The following ARHGAP44 variants were observed in gnomAD, a reference collection of about 807,000 sequenced individuals.
The protein encoded by ARHGAP44 is rho GTPase-activating protein 44.
A neutral mutation model predicts 106.8 loss-of-function variants in ARHGAP44; 43 were observed. The ratio of observed to expected loss-of-function variants is 0.40; its 90% CI spans 0.32 to 0.52. ARHGAP44 has a LOEUF of 0.52. Ranked by LOEUF, ARHGAP44 falls within the 20% of genes least tolerant of loss-of-function variation. The pLI, the probability that ARHGAP44 is intolerant of heterozygous loss-of-function variation, is 0.48. For synonymous variants in ARHGAP44, 439 were observed against 410.3 expected (o/e 1.07, Z -0.85); for missense variants, 866 against 1,050.5 (o/e 0.82, Z 2.43).
intron 7 of ARHGAP44, among the ~76,000 whole-genome samples, chr17:12,931,465 G>T (rs915604304): frequency 6.6e-6 from 1 of 151,694 alleles, no homozygotes; most frequent in African/African-American, 2.4e-5. Context: ...ATCTCTCTAG[G>T]TTAGTAGCTG....
chr17:12,829,723 T>C (rs1179811713), intron 1 of ARHGAP44, among the ~76,000 whole-genome samples: 2 of 152,188 alleles, frequency 1.3e-5, no homozygotes, highest in Non-Finnish European at 2.9e-5. Context: ...GCATGCATGA[T>C]TCCTAGTTTT....
At chr17:12,832,650 TG>T (rs2035123299) in intron 1 of ARHGAP44, among the ~76,000 whole-genome samples, 1 of 152,234 alleles carries the variant, frequency 6.6e-6, no homozygotes, top group Non-Finnish European at 1.5e-5. Flanking sequence ...GTTCAGCCTA[TG>T]CCCAGGAATG....
chr17:12,964,245 C>G (rs1325693954), intron 16 of ARHGAP44, among the ~76,000 whole-genome samples: 2 of 152,172 alleles, frequency 1.3e-5, no homozygotes, highest in East Asian at 3.8e-4. Flanking sequence ...TCTACAGTCC[C>G]TTCTATTTCT....
intron 1 of ARHGAP44, among the ~76,000 whole-genome samples, chr17:12,826,958 C>G (rs1329539103): frequency 6.6e-6 from 1 of 152,070 alleles, no homozygotes; most frequent in Non-Finnish European, 1.5e-5. Flanking sequence ...TCCCAATACC[C>G]AATCACCACC....
At position 12,896,463 on chromosome 17, in the gene ARHGAP44, C is replaced by G; in HGVS notation, c.150C>G (p.Leu50=). 6.2e-7 allele frequency: 1 copy of G among 1,609,972 alleles called. No homozygotes were observed. The highest frequency in any genetic ancestry group is 1.1e-5 in the South Asian group (1 of 89,782). Residue 50 remains leucine (L), a synonymous_variant, in exon 3 of 21, where the codon CTC becomes CTG. Coordinates refer to ENST00000379672, the MANE Select transcript of ARHGAP44 (RefSeq NM_014859.6). ...KQVSHSTHKK[L]TACLQGQQGA... is the part of the protein sequence containing the mutation. ...TGTCCCACAGCACGCACAAGAAGCTCACCGCATGTCTGCAGGGCCAGCAAG... is the reference window on the plus strand; with the variant it reads ...TGTCCCACAGCACGCACAAGAAGCTGACCGCATGTCTGCAGGGCCAGCAAG...
chr17:12,837,541 TGG>T (rs1440005631), intron 1 of ARHGAP44, among the ~76,000 whole-genome samples: 5 of 151,748 alleles, frequency 3.3e-5, no homozygotes, highest in Non-Finnish European at 7.4e-5. Context: ...AAGGAAGCAG[TGG>T]TCACTAGGAA....
In ARHGAP44 at chr17:12,944,343, C is replaced by G. The variant is rs147261550; in HGVS notation, c.861+147C>G. The G allele has an allele frequency of 5.4e-4, 552 of 1,020,004 alleles. 5 individuals carry two copies. The East Asian group carries it at 0.015, about 28-fold the overall frequency. 63.2% of individuals were successfully genotyped at this position (1,020,004 alleles called of 1,614,324 possible). Reference sequence around the variant, plus strand: ...GACAGTGGCTCAGACCCATCTTCTGCAGAACACAAATTGATCCTGCCTTTT... The same window carrying G: ...GACAGTGGCTCAGACCCATCTTCTGGAGAACACAAATTGATCCTGCCTTTT... On this transcript the variant is annotated intron_variant, in intron 10 of 20. Transcript: ENST00000379672.
At chr17:12,866,104 A>G (rs1305336684) in intron 1 of ARHGAP44, among the ~76,000 whole-genome samples, 1 of 152,168 alleles carries the variant, frequency 6.6e-6, no homozygotes, top group Non-Finnish European at 1.5e-5. Context: ...GTTTCCTCTA[A>G]TGGATCAGGG....
intron 1 of ARHGAP44, among the ~76,000 whole-genome samples, chr17:12,813,472 G>A (rs998752181): frequency 1.3e-5 from 2 of 152,068 alleles, no homozygotes; most frequent in African/African-American, 4.8e-5. Flanking sequence ...GTAATGTAGG[G>A]TGCAATATAT....
At chr17:12,923,517 G>A (rs1040933874) in intron 6 of ARHGAP44, among the ~76,000 whole-genome samples, 3 of 152,152 alleles carry the variant, frequency 2.0e-5, no homozygotes, top group South Asian at 2.1e-4. Flanking sequence ...GTGCCCGGCC[G>A]CTTTGGGGGA....
At chr17:12,917,098 A>G (rs758114982) in intron 5 of ARHGAP44, among the ~76,000 whole-genome samples, 7 of 152,140 alleles carry the variant, frequency 4.6e-5, no homozygotes, top group African/African-American at 1.7e-4. Flanking sequence ...GATAAGGGAC[A>G]CTCCATCTAT....
At chr17:12,964,247 TC>T (rs1395822021) in intron 16 of ARHGAP44, among the ~76,000 whole-genome samples, 5 of 152,240 alleles carry the variant, frequency 3.3e-5, no homozygotes, top group African/African-American at 1.2e-4. Flanking sequence ...TACAGTCCCT[TC>T]TATTTCTCTG....
chr17:12,944,554 T>C (rs895517110), intron 10 of ARHGAP44, among the ~76,000 whole-genome samples: 1 of 151,972 alleles, frequency 6.6e-6, no homozygotes, highest in East Asian at 1.9e-4. Context: ...GGCGCGATCT[T>C]GGTTCACTGC....
At position 12,889,680 on chromosome 17, in the gene ARHGAP44, C is replaced by A. The variant is rs537919929; in HGVS notation, c.54-5260C>A. Among the ~76,000 whole-genome samples the A allele has an allele frequency of 6.6e-4, 101 of 152,290 alleles. 1 individual carries two copies. The highest frequency in any genetic ancestry group is 2.3e-3 in the African/African-American group (96 of 41,566). ...CATCTCAATAGCCCCAGAATCTTAA[C>A]TGGTTCCAATACCACCTCAAAAGTC... is the stretch of plus-strand genomic sequence containing the variant. On this transcript the variant is annotated intron_variant, in intron 1 of 20. Coordinates refer to ENST00000379672, the MANE Select transcript of ARHGAP44 (RefSeq NM_014859.6).
At position 12,990,268 on chromosome 17, in the gene ARHGAP44, T is replaced by A; in HGVS notation, c.*97T>A. ...CATGAGCTTGCCAAGTGTTCTCTGC[T>A]GGCTCTTTCCTGCCACTGCCAACAC... On this transcript the variant is annotated 3_prime_UTR_variant, in exon 21 of 21. Coordinates refer to ENST00000379672, the MANE Select transcript of ARHGAP44 (RefSeq NM_014859.6). 1 of 1,456,560 alleles carries A rather than the reference T, an allele frequency of 6.9e-7. No homozygotes were observed. The allele number at this position is 1,456,560 out of a possible 1,614,324, so 90.2% of individuals were successfully genotyped here.
intron 7 of ARHGAP44, among the ~76,000 whole-genome samples, chr17:12,934,903 C>T (rs966311629): frequency 6.6e-6 from 1 of 152,162 alleles, no homozygotes; most frequent in Non-Finnish European, 1.5e-5. Flanking sequence ...ACAGCCAGAT[C>T]ATTTACCTAA....
intron 4 of ARHGAP44, among the ~76,000 whole-genome samples, chr17:12,915,173 G>A (rs1567684257): frequency 6.6e-6 from 1 of 152,198 alleles, no homozygotes; most frequent in Non-Finnish European, 1.5e-5. Flanking sequence ...AGAGAAGCTG[G>A]GTCTACAGGC....
At chr17:12,919,285 G>A (rs977144969) in intron 5 of ARHGAP44, among the ~76,000 whole-genome samples, 10 of 152,054 alleles carry the variant, frequency 6.6e-5, no homozygotes, top group African/African-American at 2.2e-4. Flanking sequence ...TTAGACCTCA[G>A]TAACACAAAA....
intron 1 of ARHGAP44, among the ~76,000 whole-genome samples, chr17:12,802,967 ATATTT>A (rs1234108703): frequency 2.5e-4 from 8 of 31,670 alleles, no homozygotes; most frequent in East Asian, 2.3e-3. Flanking sequence ...ATATATATAT[ATATTT>A]TTTTTTTTTT....
Sources: gnomAD v4.1 joint callset for allele counts (sites outside exome capture counted in the v4.1 genomes callset) on GRCh38, gnomAD v4.1.1 for gene constraint, MANE v1.5 for transcripts, NCBI Gene and HGNC (gene_info 2026-07-23, HGNC 2026-07-21) for gene names.